Variants in LRRC71 observed in about 807,000 individuals in gnomAD.
LRRC71 encodes leucine rich repeat containing 71, also known as leucine-rich repeat-containing protein 71.
A neutral mutation model predicts 66.6 loss-of-function variants in LRRC71; 54 were observed. That is an observed-to-expected ratio of 0.81 (90% CI 0.65 to 1.02). The LOEUF is 1.02. Among genes scored for constraint, LRRC71 ranks in the 50% least tolerant of loss-of-function variants. The pLI, the probability that LRRC71 is intolerant of heterozygous loss-of-function variation, is 0.00. For missense variants in LRRC71, 724 were observed against 718.0 expected, an observed-to-expected ratio of 1.01 and a Z score of -0.10; for synonymous variants, 323 against 303.9, an observed-to-expected ratio of 1.06 and a Z score of -0.65.
At chr1:156,938,514 C>A in the LRRC71 span, 10 of 1,612,268 alleles carry the variant, frequency 6.2e-6, no homozygotes, top group Non-Finnish European at 6.8e-6. Flanking sequence ...GCCACCTCAG[C>A]TGCACCGACA....
At chr1:156,931,663 C>T (rs745524185) in intron 12 of LRRC71, among the ~76,000 whole-genome samples, 7 of 152,122 alleles carry the variant, frequency 4.6e-5, no homozygotes, top group Non-Finnish European at 7.3e-5. Flanking sequence ...TGGCCTTTTC[C>T]GTGCTCCCAC....
chr1:156,935,346 G>A (rs1654864633), downstream of LRRC71: 1 of 152,186 alleles, frequency 6.6e-6, no homozygotes, highest in Non-Finnish European at 1.5e-5. Flanking sequence ...CCACTCACAG[G>A]GACAGGAACA....
chr1:156,925,875 A>C (rs1381433424), intron 5 of LRRC71, among the ~76,000 whole-genome samples: 1 of 152,350 alleles, frequency 6.6e-6, no homozygotes, highest in East Asian at 1.9e-4. Flanking sequence ...ACCATGAAAC[A>C]TATTTCCTTC....
intron 1 of LRRC71, among the ~76,000 whole-genome samples, chr1:156,922,062 T>C (rs184755971): frequency 1.3e-5 from 2 of 151,766 alleles, no homozygotes; most frequent in East Asian, 3.9e-4. Flanking sequence ...AGGAGGTGCA[T>C]GTAAGGGAGG....
intron 4 of LRRC71, 71 bp from the exon 5 acceptor site, chr1:156,924,867 G>C: frequency 1.3e-6 from 2 of 1,524,044 alleles, no homozygotes; most frequent in Non-Finnish European, 1.8e-6. Context: ...CTGGGAGAAC[G>C]GTGTGGGGAG....
In LRRC71 at chr1:156,924,971, G is replaced by T; in HGVS notation, c.549G>T (p.Leu183=). 6.4e-7 allele frequency: 1 copy of T among 1,551,654 alleles called. No individual in the cohort carries two copies. Among genetic ancestry groups the T allele is most frequent in the South Asian group, 1.2e-5 (1 of 84,052 alleles). ...LWKVGLTDKT[L]TTFIELLPLC... ...AGGTGGGGCTGACCGATAAGACCCT[G>T]ACCACCTTCATCGAGCTCCTGCCTC... Residue 183 remains leucine (L), a synonymous_variant, in exon 5 of 15, where the codon CTG becomes CTT. Coordinates refer to ENST00000337428, the MANE Select transcript of LRRC71 (RefSeq NM_144702.3).
chr1:156,929,528 T>C (rs1653951012), intron 10 of LRRC71, 99 bp downstream of exon 10: 3 of 1,564,566 alleles, frequency 1.9e-6, no homozygotes, highest in African/African-American at 2.7e-5. Flanking sequence ...CACATGGGCC[T>C]TTGAAGTTCC....
At chr1:156,928,479 T>TTCCTCC (rs1351376017) in intron 9 of LRRC71, among the ~76,000 whole-genome samples, 1 of 126,588 alleles carries the variant, frequency 7.9e-6, no homozygotes. Context: ...CTTCTTCCTC[T>TTCCTCC]TCCTCCTCCT....
chr1:156,939,772 C>A, the LRRC71 span: 3 of 1,613,890 alleles, frequency 1.9e-6, no homozygotes, highest in East Asian at 4.5e-5. Flanking sequence ...CCCTGGGGAG[C>A]CTGGGTCCCA....
downstream of LRRC71, chr1:156,937,609 C>G (rs1655753795): frequency 8.5e-7 from 1 of 1,181,676 alleles, no homozygotes; most frequent in Non-Finnish European, 1.2e-6. Flanking sequence ...GCAGTCCTCT[C>G]CAGACAAACT....
chr1:156,928,192 A>T (rs1034583324), intron 9 of LRRC71, among the ~76,000 whole-genome samples, 188 bp downstream of exon 9: 2 of 152,182 alleles, frequency 1.3e-5, no homozygotes, highest in Admixed American at 1.3e-4. Flanking sequence ...TAATTGCAGA[A>T]CCACACTATG....
chr1:156,928,127 G>T, intron 9 of LRRC71, 123 bp downstream of exon 9: 1 of 957,270 alleles, frequency 1.0e-6, no homozygotes. Context: ...TGTCCTGACT[G>T]TCTTTCCCTC....
the LRRC71 span, among the ~76,000 whole-genome samples, chr1:156,940,708 C>T: frequency 1.3e-5 from 2 of 152,076 alleles, no homozygotes; most frequent in African/African-American, 4.8e-5. Context: ...TAACTTCCAC[C>T]GGAAAGAAGA....
chr1:156,937,465 TC>T (rs1484204625), downstream of LRRC71: 1 of 1,533,984 alleles, frequency 6.5e-7, no homozygotes, highest in Non-Finnish European at 8.7e-7. Context: ...AGTCCGGGGG[TC>T]CTGATGGCAT....
chr1:156,937,052 A>G (rs1408989315), downstream of LRRC71: 1 of 1,595,970 alleles, frequency 6.3e-7, no homozygotes, highest in African/African-American at 1.3e-5. Context: ...TTCTATTCCT[A>G]AGGCCCCTGG....
In LRRC71 at chr1:156,927,723, C is replaced by G; in HGVS notation, c.823-10C>G. The G allele has an allele frequency of 1.2e-6, 2 of 1,607,978 alleles. No homozygotes were observed. Among genetic ancestry groups the G allele is most frequent in the African/African-American group, 2.7e-5 (2 of 75,010 alleles). On this transcript the variant is annotated splice_polypyrimidine_tract_variant and intron_variant, in intron 7 of 14. Transcript: ENST00000337428. ...CTTGGGCGGCTCACGCGTCCCTGCCCGCCTCTTAGGGCCTCCGGCTGAACC... is the reference window on the plus strand; with the variant it reads ...CTTGGGCGGCTCACGCGTCCCTGCCGGCCTCTTAGGGCCTCCGGCTGAACC...
chr1:156,930,212 C>T (rs970689322), intron 11 of LRRC71, among the ~76,000 whole-genome samples: 1 of 151,528 alleles, frequency 6.6e-6, no homozygotes, highest in African/African-American at 2.4e-5. Flanking sequence ...CCTGCCCCAG[C>T]TTACCCAGTA....
chr1:156,928,467 CTCT>C (rs1653720876), intron 9 of LRRC71, among the ~76,000 whole-genome samples: 2 of 135,232 alleles, frequency 1.5e-5, no homozygotes, highest in South Asian at 2.4e-4. Context: ...TCTCCTTCTT[CTCT>C]TCTTCCTCTT....
At position 156,924,070 on chromosome 1, in the gene LRRC71, C is replaced by T; in HGVS notation, c.282C>T (p.Ser94=). The change falls in exon 2 of 15, where the codon TCC becomes TCT. Residue 94 remains serine, a synonymous_variant. Coordinates refer to ENST00000337428, the MANE Select transcript of LRRC71 (RefSeq NM_144702.3). ...RPRPHPPFVP[S]ASLSEKATLD... is the part of the protein sequence containing the mutation. ...GCCCCCACCCGCCCTTCGTCCCCTCCGCCTCTTTGTCGGAAAAGGCCACCT... is the reference window on the plus strand; with the variant it reads ...GCCCCCACCCGCCCTTCGTCCCCTCTGCCTCTTTGTCGGAAAAGGCCACCT... The T allele has an allele frequency of 6.5e-7, 1 of 1,549,732 alleles. No individual in the cohort carries two copies. Among genetic ancestry groups the T allele is most frequent in the Non-Finnish European group, 8.7e-7 (1 of 1,146,772 alleles).
Sources: allele counts gnomAD v4.1 joint callset (sites outside exome capture counted in the v4.1 genomes callset), GRCh38; gene constraint gnomAD v4.1.1; transcripts MANE v1.5; gene names NCBI Gene and HGNC (gene_info 2026-07-23, HGNC 2026-07-21).